REDIC1: variants seen among roughly 807,000 people sequenced by gnomAD.
REDIC1 encodes regulator of DNA class I crossover intermediates 1.
At chr12:39,887,286 T>C in the REDIC1 span, among the ~76,000 whole-genome samples, 3 of 152,176 alleles carry the variant, frequency 2.0e-5, no homozygotes, top group African/African-American at 7.2e-5. Context: ...GTTAGACACC[T>C]CCAGAGATGG....
the REDIC1 span, among the ~76,000 whole-genome samples, chr12:39,645,940 A>G: frequency 6.6e-6 from 1 of 152,036 alleles, no homozygotes; most frequent in Non-Finnish European, 1.5e-5. Flanking sequence ...AATCTACACT[A>G]TAACTATGTA....
chr12:39,721,205 T>C, the REDIC1 span: 8 of 1,613,384 alleles, frequency 5.0e-6, no homozygotes, highest in African/African-American at 1.3e-5. Context: ...AGTGGAAATA[T>C]TAAGGCAGAT....
At chr12:39,726,804 T>C in the REDIC1 span, among the ~76,000 whole-genome samples, 2 of 152,186 alleles carry the variant, frequency 1.3e-5, no homozygotes, top group Admixed American at 1.3e-4. Flanking sequence ...TTCCTATTTC[T>C]CCATATCCTC....
chr12:39,731,478 A>G, the REDIC1 span, among the ~76,000 whole-genome samples: 1 of 152,146 alleles, frequency 6.6e-6, no homozygotes, highest in Non-Finnish European at 1.5e-5. Context: ...TTACCAGTGG[A>G]GGCTCCAGAA....
the REDIC1 span, among the ~76,000 whole-genome samples, chr12:39,872,788 G>T: frequency 2.6e-5 from 4 of 152,198 alleles, no homozygotes; most frequent in African/African-American, 9.6e-5. Flanking sequence ...ACAAAATACT[G>T]CTGGTGAGTC....
At chr12:39,764,601 T>C in the REDIC1 span, 3 of 1,596,568 alleles carry the variant, frequency 1.9e-6, no homozygotes, top group African/African-American at 4.1e-5. Context: ...GTCCAAGGCA[T>C]TGGTCCCATT....
At chr12:39,676,241 T>A in the REDIC1 span, among the ~76,000 whole-genome samples, 2 of 148,698 alleles carry the variant, frequency 1.3e-5, no homozygotes, top group Non-Finnish European at 3.0e-5. Flanking sequence ...GAGAAATAGA[T>A]GTCATAAAGA....
the REDIC1 span, among the ~76,000 whole-genome samples, chr12:39,799,262 T>C: frequency 2.1e-5 from 2 of 97,558 alleles, no homozygotes; most frequent in South Asian, 4.8e-4. Flanking sequence ...GCCTTTTTTT[T>C]TTTTTTTTTT....
the REDIC1 span, among the ~76,000 whole-genome samples, chr12:39,862,931 G>C: frequency 6.6e-6 from 1 of 152,074 alleles, no homozygotes; most frequent in Non-Finnish European, 1.5e-5. Flanking sequence ...GTAGAGCAGA[G>C]GATTATAGAT....
At chr12:39,749,385 C>T in the REDIC1 span, among the ~76,000 whole-genome samples, 5 of 152,212 alleles carry the variant, frequency 3.3e-5, no homozygotes, top group African/African-American at 1.2e-4. Flanking sequence ...AGTTGAATCT[C>T]TAAATAGACC....
the REDIC1 span, chr12:39,757,095 A>T: frequency 2.0e-5 from 3 of 151,996 alleles, no homozygotes; most frequent in African/African-American, 7.2e-5. Context: ...AACCCTTTTG[A>T]CATCACATTC....
chr12:39,880,129 C>T, the REDIC1 span, among the ~76,000 whole-genome samples: 1 of 152,158 alleles, frequency 6.6e-6, no homozygotes. Context: ...GTAAGATTCC[C>T]AAGGCCTCCC....
the REDIC1 span, chr12:39,720,674 T>G: frequency 1.2e-6 from 1 of 857,516 alleles, no homozygotes. Flanking sequence ...AACTCTCTTC[T>G]GTATTTAGAA....
At chr12:39,688,544 A>T in the REDIC1 span, among the ~76,000 whole-genome samples, 1 of 152,214 alleles carries the variant, frequency 6.6e-6, no homozygotes, top group African/African-American at 2.4e-5. Context: ...CAATACAAAA[A>T]GGTAGGTCAT....
At chr12:39,750,962 G>C in the REDIC1 span, among the ~76,000 whole-genome samples, 2 of 152,082 alleles carry the variant, frequency 1.3e-5, no homozygotes, top group Non-Finnish European at 2.9e-5. Flanking sequence ...AAAAACCCTA[G>C]AAGAAAACCT....
chr12:39,816,894 A>C, the REDIC1 span, among the ~76,000 whole-genome samples: 14 of 152,196 alleles, frequency 9.2e-5, no homozygotes, highest in Admixed American at 9.2e-4. Context: ...AAATGCCTAG[A>C]AAAGCAGATA....
the REDIC1 span, among the ~76,000 whole-genome samples, chr12:39,645,496 G>A: frequency 6.6e-6 from 1 of 151,992 alleles, no homozygotes; most frequent in Non-Finnish European, 1.5e-5. Context: ...TATTCTCTCA[G>A]ACTGTCTTCA....
the REDIC1 span, among the ~76,000 whole-genome samples, chr12:39,733,366 T>G: frequency 1.3e-5 from 2 of 152,120 alleles, no homozygotes; most frequent in Non-Finnish European, 2.9e-5. Flanking sequence ...TACTACGATA[T>G]TCTGTTCCTT....
At chr12:39,711,542 T>G in the REDIC1 span, among the ~76,000 whole-genome samples, 2 of 113,836 alleles carry the variant, frequency 1.8e-5, no homozygotes, top group Non-Finnish European at 3.8e-5. Context: ...TATACATATA[T>G]GTATGTGCAT....
Sources: gnomAD v4.1 joint callset for allele counts (sites outside exome capture counted in the v4.1 genomes callset) on GRCh38, gnomAD v4.1.1 for gene constraint, MANE v1.5 for transcripts, NCBI Gene and HGNC (gene_info 2026-07-23, HGNC 2026-07-21) for gene names.